Variants in TFEB observed in about 807,000 individuals in gnomAD.
The protein encoded by TFEB is T-cell transcription factor EB.
A neutral mutation model predicts 48.0 loss-of-function variants in TFEB; 12 were observed. That is an observed-to-expected ratio of 0.25 (90% CI 0.16 to 0.40). TFEB has a LOEUF of 0.40. TFEB is among the 10% of genes least tolerant of loss of function. The pLI, the probability that TFEB is intolerant of heterozygous loss-of-function variation, is 1.00. For synonymous variants in TFEB, 244 were observed against 261.4 expected (o/e 0.93, Z 0.64); for missense variants, 509 against 640.3 (o/e 0.79, Z 2.21).
At chr6:41,706,614 C>A (rs1426165079) in intron 1 of TFEB, among the ~76,000 whole-genome samples, 1 of 152,044 alleles carries the variant, frequency 6.6e-6, no homozygotes, top group Non-Finnish European at 1.5e-5. Flanking sequence ...CAGAATTCAG[C>A]TTTGCTCCTG....
chr6:41,699,650 A>G (rs1259077369), intron 1 of TFEB, among the ~76,000 whole-genome samples: 2 of 152,238 alleles, frequency 1.3e-5, no homozygotes, highest in Non-Finnish European at 2.9e-5. Flanking sequence ...CGGAGTGTTT[A>G]CCACAGTTCC....
chr6:41,696,823 G>A (rs79018530), intron 1 of TFEB, among the ~76,000 whole-genome samples: 1,603 of 152,274 alleles, frequency 0.011, 14 homozygotes, highest in Non-Finnish European at 0.018. Flanking sequence ...TAATGTTAAC[G>A]AAAGAACCAA....
intron 8 of TFEB, 76 bp from the exon 9 acceptor site, chr6:41,685,154 A>G: frequency 7.3e-7 from 1 of 1,372,864 alleles, no homozygotes; most frequent in Non-Finnish European, 9.4e-7. Context: ...CTGGGCCTCT[A>G]TCACAGCACT....
intron 1 of TFEB, among the ~76,000 whole-genome samples, chr6:41,728,213 G>A (rs185617658): frequency 5.7e-4 from 87 of 152,338 alleles, no homozygotes; most frequent in African/African-American, 1.9e-3. Context: ...GGCACCTTGC[G>A]GGAGAAGCTG....
intron 1 of TFEB, among the ~76,000 whole-genome samples, chr6:41,711,575 C>A (rs1032282386): frequency 2.6e-5 from 4 of 152,164 alleles, no homozygotes; most frequent in African/African-American, 9.7e-5. Flanking sequence ...CTGCAGAATT[C>A]CCTGTCCCTT....
chr6:41,699,747 C>G (rs1769796590), intron 1 of TFEB, among the ~76,000 whole-genome samples: 1 of 152,198 alleles, frequency 6.6e-6, no homozygotes, highest in African/African-American at 2.4e-5. Flanking sequence ...CCCAGGACAC[C>G]TGGTAAGTGT....
intron 1 of TFEB, among the ~76,000 whole-genome samples, chr6:41,715,698 C>T (rs967512988): frequency 9.2e-5 from 14 of 151,638 alleles, no homozygotes; most frequent in African/African-American, 2.7e-4. Context: ...AAAAGTCTCA[C>T]GGATTCAGGT....
At chr6:41,709,100 G>A (rs905694402) in intron 1 of TFEB, among the ~76,000 whole-genome samples, 2 of 152,242 alleles carry the variant, frequency 1.3e-5, no homozygotes, top group Admixed American at 6.5e-5. Flanking sequence ...GCTGCTCCTA[G>A]GATAGAGCTA....
rs1768881164 is a variant in TFEB, at chr6:41,684,515, C to T, written c.*84G>A. The T allele has an allele frequency of 1.5e-5, 22 of 1,468,438 alleles. No homozygotes were observed. Among genetic ancestry groups the T allele is most frequent in the Non-Finnish European group, 1.9e-5 (21 of 1,110,010 alleles). The allele number at this position is 1,468,438 out of a possible 1,614,324, so 91.0% of individuals were successfully genotyped here. On this transcript the variant is annotated 3_prime_UTR_variant, in exon 9 of 9. Transcript: ENST00000373033. ...GCAGGTGGCTACTTCACACACAGTG[C>T]AGCCTGAAGGGTGGGAGGGAGGTGC...
chr6:41,687,184 T>A lies in TFEB; in HGVS notation c.728-15A>T. 6.2e-7 allele frequency: 1 copy of A among 1,613,934 alleles called. No homozygotes were observed. The highest frequency in any genetic ancestry group is 8.5e-7 in the Non-Finnish European group (1 of 1,179,870). ...TCTCCTTTCAACTAAAGGTAACAGA[T>A]TCCAGAAGGAGCAATTAGAGGGATG... is the stretch of plus-strand genomic sequence containing the variant. On this transcript the variant is annotated splice_polypyrimidine_tract_variant and intron_variant, in intron 6 of 8. Coordinates refer to ENST00000373033, the MANE Select transcript of TFEB (RefSeq NM_001271944.2).
intron 1 of TFEB, among the ~76,000 whole-genome samples, chr6:41,726,286 G>A (rs1243449594): frequency 6.6e-6 from 1 of 152,164 alleles, no homozygotes; most frequent in African/African-American, 2.4e-5. Context: ...TCAGCTAAGG[G>A]ATGCAGACAT....
Position 41,723,608 on chromosome 6 carries a change from C to G in TFEB, c.-23+11742G>C. 1 of 1,161,820 alleles carries G rather than the reference C, an allele frequency of 8.6e-7. No homozygotes were observed. The highest frequency in any genetic ancestry group is 1.6e-5 in the African/African-American group (1 of 62,442). The allele number at this position is 1,161,820 out of a possible 1,614,324, so 72.0% of individuals were successfully genotyped here. ...CTGTTTCTCACCCAGCCCCCTGCACCTCAGCTGGAGAGGAAGTTGCACAAT... is the reference window on the plus strand; with the variant it reads ...CTGTTTCTCACCCAGCCCCCTGCACGTCAGCTGGAGAGGAAGTTGCACAAT... On this transcript the variant is annotated intron_variant, in intron 1 of 8. Coordinates refer to ENST00000373033, the MANE Select transcript of TFEB (RefSeq NM_001271944.2). The surrounding 1 kb of genome is among the most constrained non-coding windows in gnomAD (Gnocchi z 6.0).
chr6:41,726,871 C>G (rs1302072547), intron 1 of TFEB, among the ~76,000 whole-genome samples: 8 of 152,168 alleles, frequency 5.3e-5, no homozygotes, highest in Non-Finnish European at 1.0e-4. Flanking sequence ...GTATTTTCTT[C>G]CCATACCTAG....
intron 1 of TFEB, among the ~76,000 whole-genome samples, chr6:41,721,372 T>TACACACACACACACAC (rs58269771): frequency 4.1e-5 from 6 of 144,698 alleles, no homozygotes; most frequent in African/African-American, 1.3e-4. Flanking sequence ...TAGGCACACA[T>TACACACACACACACAC]ACACACACAC....
Position 41,691,504 on chromosome 6 carries a change from ACT to A in TFEB, c.-22-271_-22-270del, listed in dbSNP as rs758938255. The A allele has an allele frequency of 1.5e-6, 1 of 655,050 alleles. No individual in the cohort carries two copies. Among genetic ancestry groups the A allele is most frequent in the South Asian group, 1.7e-5 (1 of 58,970 alleles). 40.6% of individuals were successfully genotyped at this position (655,050 alleles called of 1,614,324 possible). A position where few individuals can be genotyped will look rare whatever the true frequency, so the allele number is the denominator to read the frequency against. On this transcript the variant is annotated intron_variant, in intron 1 of 8. Coordinates refer to ENST00000373033, the MANE Select transcript of TFEB (RefSeq NM_001271944.2). This position sits in a 1 kb window ranked among gnomAD's most constrained non-coding sequence, Gnocchi z 5.2. ...GGTAAATCCCAAACTCTAAGAGTCA[ACT>A]TCCACTCCTCTCTGTGTCACGCCCA...
chr6:41,696,445 C>T (rs1457425387), intron 1 of TFEB, among the ~76,000 whole-genome samples: 1 of 152,160 alleles, frequency 6.6e-6, no homozygotes, highest in African/African-American at 2.4e-5. Context: ...GTAATCCCAG[C>T]ACTTTGGGAG....
intron 1 of TFEB, among the ~76,000 whole-genome samples, chr6:41,726,913 A>C (rs1254633021): frequency 6.6e-6 from 1 of 152,240 alleles, no homozygotes; most frequent in East Asian, 1.9e-4. Context: ...GATCCAAAGA[A>C]GTGGATGACA....
At chr6:41,693,546 T>C (rs1769417277) in intron 1 of TFEB, among the ~76,000 whole-genome samples, 1 of 152,070 alleles carries the variant, frequency 6.6e-6, no homozygotes, top group African/African-American at 2.4e-5. Flanking sequence ...GCAGGCTGCC[T>C]GGCTGCCAGG....
At chr6:41,686,932 C>A (rs1769040996) in intron 7 of TFEB, 162 bp downstream of exon 7, 2 of 679,258 alleles carry the variant, frequency 2.9e-6, no homozygotes, top group South Asian at 1.8e-5. Flanking sequence ...TTTCCTGATT[C>A]TTTCCTGATT....
Sources: allele counts gnomAD v4.1 joint callset (sites outside exome capture counted in the v4.1 genomes callset), GRCh38; gene constraint gnomAD v4.1.1; non-coding constraint Gnocchi (gnomAD v3.1); transcripts MANE v1.5; gene names NCBI Gene and HGNC (gene_info 2026-07-23, HGNC 2026-07-21).